ME1: variants seen among roughly 807,000 people sequenced by gnomAD.
ME1 encodes the protein NADP-dependent malic enzyme.
ME1 carries 74 observed loss-of-function variants against 66.4 expected under a neutral mutation model. The observed-to-expected ratio is 1.11, with a 90% CI of 0.92 to 1.35. ME1 has a LOEUF of 1.35. ME1 is among the 40% of genes most tolerant of loss of function. ME1 has a pLI of 0.00. For missense variants in ME1, 750 were observed against 694.1 expected, an observed-to-expected ratio of 1.08 and a Z score of -0.90; for synonymous variants, 251 against 235.6, an observed-to-expected ratio of 1.07 and a Z score of -0.60.
chr6:83,363,424 T>C (rs1490576293), intron 3 of ME1, among the ~76,000 whole-genome samples: 3 of 151,822 alleles, frequency 2.0e-5, no homozygotes, highest in Admixed American at 2.0e-4. Context: ...TAAGGAAGAG[T>C]ATTCATGGAA....
intron 3 of ME1, among the ~76,000 whole-genome samples, chr6:83,397,550 T>C (rs185585735): frequency 7.9e-5 from 12 of 152,254 alleles, no homozygotes; most frequent in South Asian, 2.1e-4. Flanking sequence ...AAATCTATTA[T>C]GGAAAACAGT....
At chr6:83,301,273 TTCCC>T (rs1767712848) in intron 6 of ME1, among the ~76,000 whole-genome samples, 1 of 151,890 alleles carries the variant, frequency 6.6e-6, no homozygotes, top group Non-Finnish European at 1.5e-5. Context: ...CCTTCCTTCC[TTCCC>T]TCCGTCCCTC....
chr6:83,372,188 G>A (rs958829437), intron 3 of ME1, among the ~76,000 whole-genome samples: 2 of 152,130 alleles, frequency 1.3e-5, no homozygotes, highest in Non-Finnish European at 2.9e-5. Flanking sequence ...TGGGGTCGAT[G>A]TCTTCTCCTT....
intron 4 of ME1, 60 bp downstream of exon 4, chr6:83,352,004 C>T (rs1314228706): frequency 1.2e-5 from 12 of 1,009,302 alleles, no homozygotes; most frequent in South Asian, 4.6e-5. Context: ...ATATTTTAAA[C>T]TGTTTTATGG....
chr6:83,366,929 T>C (rs191455657), intron 3 of ME1, among the ~76,000 whole-genome samples: 165 of 152,334 alleles, frequency 1.1e-3, no homozygotes, highest in African/African-American at 3.9e-3. Context: ...GGTTTTCAAT[T>C]TACTTTGCCC....
intron 5 of ME1, 90 bp from the exon 6 acceptor site, chr6:83,315,503 A>G (rs1768015047): frequency 1.4e-6 from 1 of 735,248 alleles, no homozygotes; most frequent in East Asian, 2.6e-5. Flanking sequence ...AAAGGGACAA[A>G]AATAGAAATA....
In ME1 at chr6:83,229,746, A is replaced by G. The variant is rs1764730275; in HGVS notation, c.1027-815T>C. Among the ~76,000 whole-genome samples, 5 of 152,212 alleles carry G rather than the reference A, an allele frequency of 3.3e-5. No homozygotes were observed. The South Asian group carries it at 1.0e-3, about 32-fold the overall frequency. On this transcript the variant is annotated intron_variant, in intron 9 of 13. Transcript: ENST00000369705. ...CACCCCGGGCAAAAACTTAACAAAT[A>G]GTATGTCATAGTCTTTGCAAATTGT...
Position 83,428,990 on chromosome 6 carries a change from G to A in ME1, c.78+1887C>T, listed in dbSNP as rs1161717357. On this transcript the variant is annotated intron_variant, in intron 1 of 13. Coordinates refer to ENST00000369705, the MANE Select transcript of ME1 (RefSeq NM_002395.6). ...TTATATCATAAATTCTTGGCTGGGC[G>A]CGGTGGCTCATGCCTGTAATCCCAG... Among the ~76,000 whole-genome samples the A allele has an allele frequency of 5.3e-5, 8 of 152,134 alleles. No individual in the cohort carries two copies. The South Asian group carries it at 6.2e-4, about 12-fold the overall frequency.
intron 3 of ME1, among the ~76,000 whole-genome samples, chr6:83,369,643 G>A (rs1769157685): frequency 6.8e-6 from 1 of 146,460 alleles, no homozygotes; most frequent in Non-Finnish European, 1.5e-5. Context: ...AAAGAAAAGA[G>A]AGACAGAGAG....
At chr6:83,419,186 G>T (rs886146566) in intron 1 of ME1, among the ~76,000 whole-genome samples, 1 of 152,132 alleles carries the variant, frequency 6.6e-6, no homozygotes, top group Non-Finnish European at 1.5e-5. Context: ...TAAAAATGTT[G>T]TGAGTTTAGC....
At chr6:83,241,813 G>T (rs1303073769) in intron 7 of ME1, among the ~76,000 whole-genome samples, 2 of 152,078 alleles carry the variant, frequency 1.3e-5, no homozygotes, top group Non-Finnish European at 2.9e-5. Flanking sequence ...TTATAAGTCA[G>T]ACAGAATTCG....
At chr6:83,259,609 T>C (rs1374215515) in intron 6 of ME1, among the ~76,000 whole-genome samples, 2 of 152,326 alleles carry the variant, frequency 1.3e-5, no homozygotes, top group East Asian at 3.9e-4. Flanking sequence ...TCTTGAATGC[T>C]AGAATAAGTA....
chr6:83,378,743 T>C (rs1769341056), intron 3 of ME1, among the ~76,000 whole-genome samples: 1 of 151,620 alleles, frequency 6.6e-6, no homozygotes, highest in Non-Finnish European at 1.5e-5. Flanking sequence ...AAATCCTTCA[T>C]GTAACTCTCA....
intron 1 of ME1, 101 bp downstream of exon 1, chr6:83,430,776 G>A: frequency 2.9e-6 from 3 of 1,052,492 alleles, no homozygotes; most frequent in Non-Finnish European, 1.4e-6. Context: ...CCTTCCCAGG[G>A]GAGCGGCGGA....
chr6:83,322,636 C>T (rs571887878), intron 5 of ME1, among the ~76,000 whole-genome samples: 1 of 152,082 alleles, frequency 6.6e-6, no homozygotes, highest in Non-Finnish European at 1.5e-5. Context: ...AAGAAAACTT[C>T]CAAGAAATAT....
intron 3 of ME1, among the ~76,000 whole-genome samples, chr6:83,353,222 T>C (rs1413989562): frequency 1.3e-5 from 2 of 152,162 alleles, no homozygotes; most frequent in Non-Finnish European, 2.9e-5. Flanking sequence ...TATGTTCAAT[T>C]TTTTTGGACA....
chr6:83,373,831 C>T lies in ME1; in HGVS notation c.363-21692G>A, dbSNP rs146890369. Among the ~76,000 whole-genome samples the T allele has an allele frequency of 1.5e-3, 233 of 152,250 alleles. 3 individuals are homozygous for T. The highest frequency in any genetic ancestry group is 5.3e-3 in the African/African-American group (221 of 41,552). On this transcript the variant is annotated intron_variant, in intron 3 of 13. Transcript: ENST00000369705. ...GTGTCCATGTGTTCTCATTGTTCAA[C>T]TCCTACTTATAAATGAGAATATGCG...
chr6:83,380,804 G>C (rs538735381), intron 3 of ME1, among the ~76,000 whole-genome samples: 1 of 151,964 alleles, frequency 6.6e-6, no homozygotes, highest in African/African-American at 2.4e-5. Flanking sequence ...ATATTGACTT[G>C]GAAATTCTCC....
intron 3 of ME1, among the ~76,000 whole-genome samples, chr6:83,391,332 T>C (rs1219703248): frequency 6.6e-6 from 1 of 152,134 alleles, no homozygotes; most frequent in Admixed American, 6.6e-5. Flanking sequence ...ATCACTACTC[T>C]AGGAAGCTTT....
Sources: gnomAD v4.1 joint callset for allele counts (sites outside exome capture counted in the v4.1 genomes callset) on GRCh38, gnomAD v4.1.1 for gene constraint, MANE v1.5 for transcripts, NCBI Gene and HGNC (gene_info 2026-07-23, HGNC 2026-07-21) for gene names.